The following CLK4 variants were observed in gnomAD, a reference collection of about 807,000 sequenced individuals.
CLK4 encodes dual specificity protein kinase CLK4.
Under a neutral mutation model 64.4 loss-of-function variants are expected in CLK4, and 37 were observed. The observed-to-expected ratio is 0.57, with a 90% CI of 0.44 to 0.76. CLK4 has a LOEUF of 0.76. Ranked by LOEUF, CLK4 falls within the 30% of genes least tolerant of loss-of-function variation. The probability of loss-of-function intolerance (pLI) is 0.00; values close to 1 mark genes in which losing one functional copy is unlikely to be tolerated. For missense variants in CLK4, 457 were observed against 605.1 expected (o/e 0.76, Z 2.57); for synonymous variants, 175 against 191.6 (o/e 0.91, Z 0.72).
Position 178,616,895 on chromosome 5 carries a change from T to C in CLK4, c.529A>G (p.Ile177Val). The change falls in exon 5 of 13, where the codon ATT (isoleucine) becomes GTT (valine). Residue 177 changes from isoleucine to valine, a missense_variant. Physicochemically the swap from Ile to Val is conservative, Grantham distance 29. Coordinates refer to ENST00000316308, the MANE Select transcript of CLK4 (RefSeq NM_020666.3). ...AAACAAACTTACATGCCATGATCAA[T>C]GCACTCTACAACTTTGCCAAAGGCT... ...EGAFGKVVECIDHGMDGMHVA... is the reference protein window; with the variant it reads ...EGAFGKVVECVDHGMDGMHVA... 1.9e-6 allele frequency: 3 copies of C among 1,613,142 alleles called. No homozygotes were observed. The highest frequency in any genetic ancestry group is 2.2e-5 in the East Asian group (1 of 44,866).
Position 178,612,875 on chromosome 5 carries a change from T to C in CLK4, c.842A>G (p.Lys281Arg), listed in dbSNP as rs1327613690. Residue 281 changes from lysine to arginine, a missense_variant, in exon 8 of 13, where the codon AAA (lysine) becomes AGA (arginine). Transcript: ENST00000316308. ...AGGCTTCAGATCTGTATGGGTTAAT[T>C]TATTATGATGTAAAACTACAAGAGA... ...CQSINFLHHN[K>R]LTHTDLKPEN... 17 of 1,537,848 alleles carry C rather than the reference T, an allele frequency of 1.1e-5. No homozygotes were observed. The Admixed American group carries it at 3.0e-4, about 27-fold the overall frequency.
At position 178,613,650 on chromosome 5, in the gene CLK4, G is replaced by A; in HGVS notation, c.660-11C>T. 6.2e-7 allele frequency: 1 copy of A among 1,607,352 alleles called. No homozygotes were observed. Among genetic ancestry groups the A allele is most frequent in the Non-Finnish European group, 8.5e-7 (1 of 1,176,594 alleles). On this transcript the variant is annotated splice_polypyrimidine_tract_variant and intron_variant, in intron 6 of 12. Coordinates refer to ENST00000316308, the MANE Select transcript of CLK4 (RefSeq NM_020666.3). ...ATCTGGACACATCGGCTAAAACAGAGCAAAATAATAATTCAGTTTATGGAA... is the reference window on the plus strand; with the variant it reads ...ATCTGGACACATCGGCTAAAACAGAACAAAATAATAATTCAGTTTATGGAA...
At chr5:178,615,808 C>T (rs1199621049) in intron 5 of CLK4, among the ~76,000 whole-genome samples, 1 of 152,088 alleles carries the variant, frequency 6.6e-6, no homozygotes, top group Non-Finnish European at 1.5e-5. Flanking sequence ...TTTCAAGCCA[C>T]AAAATAGAGG....
chr5:178,617,499 G>T lies in CLK4; in HGVS notation c.385-65C>A. 1 of 1,399,062 alleles carries T rather than the reference G, an allele frequency of 7.1e-7. No individual in the cohort carries two copies. The highest frequency in any genetic ancestry group is 1.0e-6 in the Non-Finnish European group (1 of 996,978). 86.7% of individuals were successfully genotyped at this position (1,399,062 alleles called of 1,614,324 possible). A position where few individuals can be genotyped will look rare whatever the true frequency, so the allele number is the denominator to read the frequency against. On this transcript the variant is annotated intron_variant, in intron 3 of 12. Transcript: ENST00000316308. This position sits in a 1 kb window ranked among gnomAD's most constrained non-coding sequence, Gnocchi z 5.2. ...ATCAATATATCAGAGTGAATTCAGGGCAGAATACGCAATTCATTCAGCGGG... is the reference window on the plus strand; with the variant it reads ...ATCAATATATCAGAGTGAATTCAGGTCAGAATACGCAATTCATTCAGCGGG...
chr5:178,613,905 GCTCTAAAGCATAGTCTT>G (rs1764592087), intron 5 of CLK4, 62 bp from the exon 6 acceptor site: 1 of 1,236,908 alleles, frequency 8.1e-7, no homozygotes, highest in African/African-American at 1.5e-5. Context: ...GCCATGTTAT[GCTCTAAAGCATAGTCTT>G]AATTACCAAT....
chr5:178,604,047 A>G, intron 11 of CLK4, 113 bp from the exon 12 acceptor site: 2 of 681,462 alleles, frequency 2.9e-6, no homozygotes, highest in Non-Finnish European at 4.8e-6. Flanking sequence ...ATAGACTTAT[A>G]TAATATAGAT....
At chr5:178,610,216 G>A (rs887564113) in intron 9 of CLK4, among the ~76,000 whole-genome samples, 1 of 152,032 alleles carries the variant, frequency 6.6e-6, no homozygotes, top group Non-Finnish European at 1.5e-5. Context: ...CTTGAACCCG[G>A]GAGGCAGAAG....
At chr5:178,608,182 A>G (rs1217083188) in intron 10 of CLK4, among the ~76,000 whole-genome samples, 194 bp downstream of exon 10, 1 of 152,244 alleles carries the variant, frequency 6.6e-6, no homozygotes, top group African/African-American at 2.4e-5. Flanking sequence ...ATCACATGCA[A>G]AATTAACTAT....
intron 1 of CLK4, among the ~76,000 whole-genome samples, chr5:178,624,764 G>A (rs759558862): frequency 2.6e-5 from 4 of 152,132 alleles, no homozygotes; most frequent in Non-Finnish European, 5.9e-5. Flanking sequence ...TTGCCCAAAT[G>A]ACTAATAAGC....
Position 178,617,376 on chromosome 5 carries a change from A to G in CLK4, c.443T>C (p.Ile148Thr). Residue 148 changes from isoleucine (I) to threonine (T), a missense_variant, in exon 4 of 13, where the codon ATC becomes ACC. By Grantham distance (89) the Ile-to-Thr change is moderately conservative. Transcript: ENST00000316308. The surrounding 1 kb of genome is among the most constrained non-coding windows in gnomAD (Gnocchi z 5.2). ...TCTTAGAACGTCTCCACTTTGACAG[A>G]TCAGGTGACCCTCCTCATCATCCTC... ...SIEDDEEGHL[I>T]CQSGDVLRAR... The G allele has an allele frequency of 6.2e-7, 1 of 1,614,052 alleles. No homozygotes were observed. Among genetic ancestry groups the G allele is most frequent in the Non-Finnish European group, 8.5e-7 (1 of 1,179,888 alleles).
chr5:178,624,794 T>A (rs1419955528), intron 1 of CLK4, among the ~76,000 whole-genome samples: 2 of 152,190 alleles, frequency 1.3e-5, no homozygotes, highest in East Asian at 3.8e-4. Context: ...CAAGCAGAAA[T>A]TTAAATGATT....
chr5:178,607,507 C>CA (rs1764483897), intron 10 of CLK4, among the ~76,000 whole-genome samples: 1 of 78,078 alleles, frequency 1.3e-5, no homozygotes, highest in Admixed American at 1.9e-4. Context: ...TACACTTTGT[C>CA]TTTTTTTTTT....
In CLK4 at chr5:178,613,794, G is replaced by A. The variant is rs529524184; in HGVS notation, c.592C>T (p.Arg198Cys). 1.4e-5 allele frequency: 22 copies of A among 1,614,032 alleles called. No individual in the cohort carries two copies. Among genetic ancestry groups the A allele is most frequent in the South Asian group, 5.5e-5 (5 of 91,078 alleles). ...TGGATTTCTGAACGAGCTGCTTCAC[G>A]GTAACGGCCTACATTTTTTACGATT... Reference protein sequence around the residue: ...VKIVKNVGRYREAARSEIQVL... With the variant: ...VKIVKNVGRYCEAARSEIQVL... Residue 198 changes from arginine to cysteine, a missense_variant, in exon 6 of 13, where the codon CGT (arginine) becomes TGT (cysteine). Coordinates refer to ENST00000316308, the MANE Select transcript of CLK4 (RefSeq NM_020666.3).
chr5:178,618,496 G>T, intron 3 of CLK4, 60 bp downstream of exon 3: 1 of 905,572 alleles, frequency 1.1e-6, no homozygotes, highest in Non-Finnish European at 1.6e-6. Context: ...AAACTTATCA[G>T]CTCGTTAAGA....
chr5:178,612,490 C>T lies in CLK4; in HGVS notation c.977G>A (p.Ser326Asn). 6.2e-7 allele frequency: 1 copy of T among 1,614,054 alleles called. No homozygotes were observed. The highest frequency in any genetic ancestry group is 1.3e-5 in the African/African-American group (1 of 75,044). The change falls in exon 9 of 13, where the codon AGT (serine) becomes AAT (asparagine). Residue 326 changes from serine to asparagine, a missense_variant. Ser to Asn is a conservative substitution (Grantham distance 46, BLOSUM62 1). Coordinates refer to ENST00000316308, the MANE Select transcript of CLK4 (RefSeq NM_020666.3). ...GTGATGTTCATCATCATACGTTGCA[C>T]TTCCAAAGTCAACAACTTTGATATC... ...NTDIKVVDFG[S>N]ATYDDEHHST...
intron 9 of CLK4, among the ~76,000 whole-genome samples, chr5:178,610,972 C>A (rs1297495856): frequency 6.6e-6 from 1 of 151,288 alleles, no homozygotes; most frequent in Non-Finnish European, 1.5e-5. Context: ...ACTCAGGAGG[C>A]TGAGTTAGGA....
intron 11 of CLK4, chr5:178,604,463 CAAAA>C (rs1200002884): frequency 1.0e-4 from 13 of 129,406 alleles, no homozygotes; most frequent in Non-Finnish European, 1.7e-4. Context: ...AAAAAAAAAA[CAAAA>C]AAAACCCAAA....
intron 2 of CLK4, chr5:178,620,468 T>G: frequency 1.3e-5 from 4 of 313,748 alleles, no homozygotes; most frequent in Non-Finnish European, 2.6e-5. Flanking sequence ...GTCTCTTCAA[T>G]AGATAATGGC....
intron 5 of CLK4, among the ~76,000 whole-genome samples, chr5:178,614,144 G>GA (rs2004722126): frequency 6.6e-6 from 1 of 152,124 alleles, no homozygotes; most frequent in Middle Eastern, 3.2e-3. Flanking sequence ...CCAAAAATAG[G>GA]ATATGCTACT....
Sources: gnomAD v4.1 joint callset for allele counts (sites outside exome capture counted in the v4.1 genomes callset) on GRCh38, gnomAD v4.1.1 for gene constraint, Gnocchi (gnomAD v3.1) non-coding constraint, MANE v1.5 for transcripts, NCBI Gene and HGNC (gene_info 2026-07-23, HGNC 2026-07-21) for gene names.